Variants in AZIN2 observed in about 807,000 individuals in gnomAD.
AZIN2 encodes antizyme inhibitor 2, also known as ODC antizyme inhibitor-2.
In AZIN2, 28 loss-of-function variants were observed where a neutral mutation model predicts 47.8. That is an observed-to-expected ratio of 0.59 (90% CI 0.43 to 0.80). The LOEUF (loss-of-function observed/expected upper bound fraction) is 0.80. AZIN2 is among the 30% of genes least tolerant of loss of function. The probability of loss-of-function intolerance (pLI) is 0.00; values close to 1 mark genes in which losing one functional copy is unlikely to be tolerated. For synonymous variants in AZIN2, 221 were observed against 239.4 expected, an observed-to-expected ratio of 0.92 and a Z score of 0.71; for missense variants, 535 against 582.5, an observed-to-expected ratio of 0.92 and a Z score of 0.84.
chr1:33,091,981 G>A lies in AZIN2; in HGVS notation c.280-69G>A. 3 of 1,556,216 alleles carry A rather than the reference G, an allele frequency of 1.9e-6. No individual in the cohort carries two copies. In the East Asian group the frequency reaches 6.7e-5, roughly 35 times the overall value. Reference sequence around the variant, plus strand: ...CATAGCTATGACTTTGCCCTCATCTGTGCTTCCTTGGGCTCCGTGGGCTAG... The same window carrying A: ...CATAGCTATGACTTTGCCCTCATCTATGCTTCCTTGGGCTCCGTGGGCTAG... On this transcript the variant is annotated intron_variant, in intron 5 of 11. Transcript: ENST00000294517.
At chr1:33,128,326 G>C (rs190323945), downstream of AZIN2, among the ~76,000 whole-genome samples, 7 of 152,124 alleles carry the variant, frequency 4.6e-5, no homozygotes, top group African/African-American at 1.7e-4. Context: ...TCAGTGAGCC[G>C]TGAGTGGGGC....
At chr1:33,161,055 A>G in the AZIN2 span, among the ~76,000 whole-genome samples, 1 of 152,254 alleles carries the variant, frequency 6.6e-6, no homozygotes, top group Admixed American at 6.5e-5. This position sits in a 1 kb window ranked among gnomAD's most constrained non-coding sequence, Gnocchi z 4.3. Flanking sequence ...GTTGCCTAAG[A>G]GCTGTGAACC....
chr1:33,117,971 G>T lies in AZIN2; in HGVS notation c.1099G>T (p.Val367Leu). 1 of 1,612,774 alleles carries T rather than the reference G, an allele frequency of 6.2e-7. No homozygotes were observed. The highest frequency in any genetic ancestry group is 8.5e-7 in the Non-Finnish European group (1 of 1,179,314). Reference protein sequence around the residue: ...WGPAVDGCDCVAEGLWLPQLH... With the variant: ...WGPAVDGCDCLAEGLWLPQLH... ...CCCGGCGGTTGATGGCTGTGATTGCGTGGCTGAGGGCCTGTGGCTGCCGCA... is the reference window on the plus strand; with the variant it reads ...CCCGGCGGTTGATGGCTGTGATTGCTTGGCTGAGGGCCTGTGGCTGCCGCA... The change falls in exon 11 of 12, where the codon GTG becomes TTG. Residue 367 changes from valine to leucine, a missense_variant. Val to Leu is a conservative substitution (Grantham distance 32). Transcript: ENST00000294517.
the AZIN2 span, among the ~76,000 whole-genome samples, chr1:33,137,170 A>G: frequency 6.6e-6 from 1 of 152,092 alleles, no homozygotes; most frequent in Non-Finnish European, 1.5e-5. Flanking sequence ...TAGCAAGGGA[A>G]GAATGATCCC....
rs1401427964 is a variant in AZIN2 at position 33,122,488 on chromosome 1, T to C, written c.*2306T>C. 2.0e-5 allele frequency among the ~76,000 whole-genome samples: 3 copies of C among 152,266 alleles called. No individual in the cohort carries two copies. Among genetic ancestry groups the C allele is most frequent in the Non-Finnish European group, 2.9e-5 (2 of 68,044 alleles). On this transcript the variant is annotated 3_prime_UTR_variant, in exon 12 of 12. Coordinates refer to ENST00000294517, the MANE Select transcript of AZIN2 (RefSeq NM_052998.4). ...ATTTTTTCCCAGTTATTTGTTTTTG[T>C]TTCTTATTTCAATCTTTTTCTAAAG...
At position 33,093,390 on chromosome 1, in the gene AZIN2, GCAC is replaced by G; in HGVS notation, c.564_566del (p.His189del). On this transcript the variant is annotated inframe_deletion, in exon 7 of 12. Coordinates refer to ENST00000294517, the MANE Select transcript of AZIN2 (RefSeq NM_052998.4). ...GACACCTGCTTGAAAATGCGAAGAA[GCAC>G]CATGTGGAGGTGGTGGGTGTGAGGT... 6.2e-7 allele frequency: 1 copy of G among 1,614,046 alleles called. No individual in the cohort carries two copies. Among genetic ancestry groups the G allele is most frequent in the Non-Finnish European group, 8.5e-7 (1 of 1,179,974 alleles).
intron 5 of AZIN2, among the ~76,000 whole-genome samples, chr1:33,087,597 C>T (rs577496225): frequency 5.3e-5 from 8 of 151,974 alleles, no homozygotes; most frequent in South Asian, 4.1e-4. Flanking sequence ...CCACCATGCC[C>T]GGCTAATTTT....
chr1:33,163,783 C>T, the AZIN2 span: 1 of 152,424 alleles, frequency 6.6e-6, no homozygotes, highest in Non-Finnish European at 1.5e-5. Context: ...GCAGGAAAGC[C>T]GAGTCAGGCA....
chr1:33,120,542 G>A lies in AZIN2; in HGVS notation c.*360G>A. 1 of 193,556 alleles carries A rather than the reference G, an allele frequency of 5.2e-6. No homozygotes were observed. The highest frequency in any genetic ancestry group is 1.1e-5 in the Non-Finnish European group (1 of 92,182). The allele number at this position is 193,556 out of a possible 1,614,324, so 12.0% of individuals were successfully genotyped here. The stretch of plus-strand genomic sequence containing the variant: ...TTTTTAAAAACTGCAGCGGAATCTG[G>A]CAGTTTGATTCACAAAGCAGCCTGG... On this transcript the variant is annotated 3_prime_UTR_variant, in exon 12 of 12. Coordinates refer to ENST00000294517, the MANE Select transcript of AZIN2 (RefSeq NM_052998.4).
the AZIN2 span, among the ~76,000 whole-genome samples, chr1:33,152,836 G>T: frequency 6.6e-6 from 1 of 152,194 alleles, no homozygotes; most frequent in East Asian, 1.9e-4. Context: ...ACTGGATTCA[G>T]ATTAGCAGGG....
At chr1:33,154,044 A>C in the AZIN2 span, among the ~76,000 whole-genome samples, 1 of 152,226 alleles carries the variant, frequency 6.6e-6, no homozygotes, top group Non-Finnish European at 1.5e-5. Flanking sequence ...AAGGAGAGTA[A>C]GAGTTGGCCA....
rs754626365 is a variant in AZIN2, at chr1:33,093,269, C to A, written c.453-13C>A. On this transcript the variant is annotated splice_polypyrimidine_tract_variant and intron_variant, in intron 6 of 11. Coordinates refer to ENST00000294517, the MANE Select transcript of AZIN2 (RefSeq NM_052998.4). The stretch of plus-strand genomic sequence containing the variant: ...GGGTTTGTCCAGCAGAGGGGCACTG[C>A]GTGTCTCATCAGGATGGTTCTGTGC... 1 of 1,613,326 alleles carries A rather than the reference C, an allele frequency of 6.2e-7. No homozygotes were observed. The highest frequency in any genetic ancestry group is 2.2e-5 in the East Asian group (1 of 44,854).
At chr1:33,097,733 A>G (rs1643307768) in intron 9 of AZIN2, among the ~76,000 whole-genome samples, 2 of 152,270 alleles carry the variant, frequency 1.3e-5, no homozygotes, top group South Asian at 2.1e-4. Flanking sequence ...CCACTGCCCT[A>G]TCATGTGCCT....
intron 10 of AZIN2, among the ~76,000 whole-genome samples, chr1:33,103,620 C>T (rs1305081369): frequency 1.3e-5 from 2 of 152,114 alleles, no homozygotes; most frequent in Non-Finnish European, 2.9e-5. Context: ...GTTTACTTGC[C>T]TATAGTCTGT....
chr1:33,094,332 C>T (rs1642908665), intron 7 of AZIN2, among the ~76,000 whole-genome samples: 1 of 152,196 alleles, frequency 6.6e-6, no homozygotes, highest in Admixed American at 6.5e-5. Context: ...ATGGGAGGAG[C>T]ACCAAGTGCC....
At chr1:33,094,792 C>A in intron 8 of AZIN2, 79 bp downstream of exon 8, 1 of 1,506,620 alleles carries the variant, frequency 6.6e-7, no homozygotes, top group Middle Eastern at 1.8e-4. Context: ...GGAGGGAGAC[C>A]ACCGTGCGTG....
intron 8 of AZIN2, among the ~76,000 whole-genome samples, 187 bp from the exon 9 acceptor site, chr1:33,096,520 A>G (rs1643169599): frequency 6.6e-6 from 1 of 152,200 alleles, no homozygotes; most frequent in Admixed American, 6.5e-5. Flanking sequence ...CTCTCTACCC[A>G]GCTCTGTCCC....
the AZIN2 span, among the ~76,000 whole-genome samples, chr1:33,135,516 C>T: frequency 0.18 from 27,826 of 152,188 alleles, 3,029 homozygotes; most frequent in South Asian, 0.29. Context: ...CTCACAGCAA[C>T]CCAGCAAGGC....
chr1:33,089,590 C>T (rs1642309412), intron 5 of AZIN2, among the ~76,000 whole-genome samples: 1 of 152,172 alleles, frequency 6.6e-6, no homozygotes, highest in South Asian at 2.1e-4. Flanking sequence ...CGGGGTAGGC[C>T]ACATCTGCCC....
Sources: gnomAD v4.1 joint callset for allele counts (sites outside exome capture counted in the v4.1 genomes callset) on GRCh38, gnomAD v4.1.1 for gene constraint, Gnocchi (gnomAD v3.1) non-coding constraint, MANE v1.5 for transcripts, NCBI Gene and HGNC (gene_info 2026-07-23, HGNC 2026-07-21) for gene names.